PID1: variants seen among roughly 807,000 people sequenced by gnomAD.
PID1 encodes the protein PTB-containing, cubilin and LRP1-interacting protein.
PID1 carries 10 observed loss-of-function variants against 19.1 expected under a neutral mutation model. The observed-to-expected ratio is 0.52, with a 90% confidence interval of 0.32 to 0.89. PID1 has a LOEUF of 0.89. Among genes scored for constraint, PID1 ranks in the 40% least tolerant of loss-of-function variants. The pLI is 0.03. For synonymous variants in PID1, 130 were observed against 116.0 expected (o/e 1.12, Z -0.78); for missense variants, 248 against 285.3 (o/e 0.87, Z 0.94).
At chr2:229,152,563 C>T (rs1205177765) in intron 2 of PID1, among the ~76,000 whole-genome samples, 2 of 151,774 alleles carry the variant, frequency 1.3e-5, no homozygotes, top group African/African-American at 2.4e-5. Context: ...ATCATTGCTG[C>T]AGCAAAATCA....
At chr2:229,215,638 G>A (rs1449132631) in intron 1 of PID1, among the ~76,000 whole-genome samples, 1 of 152,186 alleles carries the variant, frequency 6.6e-6, no homozygotes, top group East Asian at 1.9e-4. Flanking sequence ...CCCATGAAAA[G>A]GGTATGTATA....
intron 2 of PID1, among the ~76,000 whole-genome samples, chr2:229,105,492 TG>T (rs1208282393): frequency 6.6e-6 from 1 of 152,186 alleles, no homozygotes; most frequent in African/African-American, 2.4e-5. Flanking sequence ...TCTTTGTAAA[TG>T]GGTGGGGCTA....
At chr2:229,063,006 T>A (rs1023086356) in intron 2 of PID1, among the ~76,000 whole-genome samples, 47 of 152,060 alleles carry the variant, frequency 3.1e-4, no homozygotes, top group African/African-American at 1.0e-3. Flanking sequence ...TATTTGAGTA[T>A]TCTCTCTTTT....
At chr2:229,165,511 T>A (rs1690579004) in intron 1 of PID1, among the ~76,000 whole-genome samples, 1 of 151,808 alleles carries the variant, frequency 6.6e-6, no homozygotes, top group Non-Finnish European at 1.5e-5. Flanking sequence ...GCCCAGGAGT[T>A]CCAGGCTGCA....
intron 1 of PID1, among the ~76,000 whole-genome samples, chr2:229,240,262 A>T (rs1689837762): frequency 6.6e-6 from 1 of 152,164 alleles, no homozygotes. Context: ...CGTGTTTTAC[A>T]AATAAAATGA....
chr2:229,172,500 CA>C (rs1281761813), intron 1 of PID1, among the ~76,000 whole-genome samples: 1 of 152,130 alleles, frequency 6.6e-6, no homozygotes, highest in Admixed American at 6.5e-5. Flanking sequence ...TGCATTGCCC[CA>C]ATCACTTGCT....
At chr2:229,056,496 C>T (rs576181829) in intron 2 of PID1, among the ~76,000 whole-genome samples, 2 of 151,882 alleles carry the variant, frequency 1.3e-5, no homozygotes, top group Non-Finnish European at 2.9e-5. Flanking sequence ...CCCTAACATG[C>T]TAAATGTAGC....
intron 1 of PID1, chr2:229,231,897 TA>T (rs201326791): frequency 1.7e-5 from 25 of 1,504,960 alleles, no homozygotes; most frequent in South Asian, 4.9e-5. Context: ...AGATAATTTA[TA>T]AAAAAAAACA....
chr2:229,237,313 C>T (rs925196022), intron 1 of PID1, among the ~76,000 whole-genome samples: 2 of 152,164 alleles, frequency 1.3e-5, no homozygotes, highest in African/African-American at 4.8e-5. Flanking sequence ...AAAAAGATAT[C>T]TACAGTTATG....
chr2:229,141,154 T>C (rs1160541047), intron 2 of PID1, among the ~76,000 whole-genome samples: 1 of 152,122 alleles, frequency 6.6e-6, no homozygotes, highest in African/African-American at 2.4e-5. Flanking sequence ...GTTGGCATAG[T>C]AACTATGAAG....
intron 2 of PID1, among the ~76,000 whole-genome samples, chr2:229,048,443 G>T (rs1469606466): frequency 2.0e-5 from 3 of 152,170 alleles, no homozygotes; most frequent in African/African-American, 7.2e-5. Flanking sequence ...TTCTGTGCTG[G>T]CATTTATTTT....
At chr2:229,147,567 C>CT (rs1170490870) in intron 2 of PID1, among the ~76,000 whole-genome samples, 1 of 151,842 alleles carries the variant, frequency 6.6e-6, no homozygotes, top group Non-Finnish European at 1.5e-5. Context: ...TTATAATCAA[C>CT]TTTTTTATAT....
intron 2 of PID1, among the ~76,000 whole-genome samples, chr2:229,067,105 A>G (rs368530714): frequency 3.9e-5 from 6 of 152,232 alleles, no homozygotes; most frequent in African/African-American, 1.4e-4. Flanking sequence ...TCTTCTTCAC[A>G]TTGGGGCAGG....
intron 1 of PID1, among the ~76,000 whole-genome samples, chr2:229,208,259 G>C (rs1240244567): frequency 6.6e-6 from 1 of 152,154 alleles, no homozygotes; most frequent in Non-Finnish European, 1.5e-5. Flanking sequence ...TGCATAGCTA[G>C]TGCAGTAACT....
rs763254297 is a variant in PID1 at position 229,025,748 on chromosome 2, G to T, written c.538C>A (p.His180Asn). 1 of 1,614,238 alleles carries T rather than the reference G, an allele frequency of 6.2e-7. No homozygotes were observed. The highest frequency in any genetic ancestry group is 8.5e-7 in the Non-Finnish European group (1 of 1,180,022). ...TTCCTGAAGGCCTCCATCATGGCGTGGGCCAGTTTCTTGGCCTCGAGCTTG... is the reference window on the plus strand; with the variant it reads ...TTCCTGAAGGCCTCCATCATGGCGTTGGCCAGTTTCTTGGCCTCGAGCTTG... The part of the protein sequence containing the change: ...ESKLEAKKLA[H>N]AMMEAFRKTF... The change falls in exon 3 of 3, where the codon CAC (histidine) becomes AAC (asparagine). Residue 180 changes from histidine (H) to asparagine (N), a missense_variant. Coordinates refer to ENST00000392055, the MANE Select transcript of PID1 (RefSeq NM_001100818.2).
At chr2:229,067,554 C>T (rs892865483) in intron 2 of PID1, among the ~76,000 whole-genome samples, 1 of 152,110 alleles carries the variant, frequency 6.6e-6, no homozygotes, top group South Asian at 2.1e-4. Flanking sequence ...CCCTCAATGC[C>T]CATCCCCTGG....
Position 229,107,514 on chromosome 2 carries a change from A to G in PID1, c.177+48304T>C, listed in dbSNP as rs957540718. ...TCTAAATATATCACCAAAAAAAAAA[A>G]AAAAAAGAAAAAAGCTGAAATTCAT... is the stretch of plus-strand genomic sequence containing the variant. On this transcript the variant is annotated intron_variant, in intron 2 of 2. Transcript: ENST00000392055. Among the ~76,000 whole-genome samples, 41 of 151,978 alleles carry G rather than the reference A, an allele frequency of 2.7e-4. 1 individual carries two copies. The highest frequency in any genetic ancestry group is 8.8e-5 in the Non-Finnish European group (6 of 67,982).
chr2:229,067,543 G>T (rs924533062), intron 2 of PID1, among the ~76,000 whole-genome samples: 1 of 151,870 alleles, frequency 6.6e-6, no homozygotes, highest in Non-Finnish European at 1.5e-5. Flanking sequence ...CCCACCAAAG[G>T]CCCTCAATGC....
At chr2:229,062,263 T>C (rs1694227832) in intron 2 of PID1, among the ~76,000 whole-genome samples, 1 of 151,998 alleles carries the variant, frequency 6.6e-6, no homozygotes, top group South Asian at 2.1e-4. Flanking sequence ...GTACATTCCT[T>C]CTGTGGCTAA....
Sources: gnomAD v4.1 joint callset for allele counts (sites outside exome capture counted in the v4.1 genomes callset) on GRCh38, gnomAD v4.1.1 for gene constraint, MANE v1.5 for transcripts, NCBI Gene and HGNC (gene_info 2026-07-23, HGNC 2026-07-21) for gene names.